CACNA2D3: variants seen among roughly 807,000 people sequenced by gnomAD.
The protein encoded by CACNA2D3 is voltage-dependent calcium channel subunit alpha-2/delta-3.
In CACNA2D3, 60 loss-of-function variants were observed where a neutral mutation model predicts 160.6. The ratio of observed to expected loss-of-function variants is 0.37; its 90% CI spans 0.30 to 0.46. CACNA2D3 has a LOEUF of 0.46. CACNA2D3 is among the 20% of genes least tolerant of loss of function. The pLI is 1.00. For missense variants in CACNA2D3, 1,205 were observed against 1,365.0 expected, an observed-to-expected ratio of 0.88 and a Z score of 1.85; for synonymous variants, 558 against 492.9, an observed-to-expected ratio of 1.13 and a Z score of -1.75.
chr3:55,037,875 C>A (rs1395530445), intron 35 of CACNA2D3, among the ~76,000 whole-genome samples: 1 of 152,036 alleles, frequency 6.6e-6, no homozygotes, highest in Non-Finnish European at 1.5e-5. Context: ...TAAATGTATT[C>A]ATTTATGCAG....
intron 12 of CACNA2D3, among the ~76,000 whole-genome samples, chr3:54,758,295 G>A (rs944349122): frequency 3.3e-5 from 5 of 152,054 alleles, no homozygotes; most frequent in Non-Finnish European, 7.4e-5. Context: ...TTTTAACATG[G>A]AGTTAGAAAT....
intron 14 of CACNA2D3, among the ~76,000 whole-genome samples, chr3:54,833,660 A>G (rs1703927390): frequency 1.3e-5 from 2 of 152,146 alleles, no homozygotes; most frequent in Admixed American, 1.3e-4. Flanking sequence ...TTTCAATCAT[A>G]AAGTGCTTAC....
rs138019189 is a variant in CACNA2D3, at chr3:54,819,990, G to A, written c.1398+3120G>A. The stretch of plus-strand genomic sequence containing the variant: ...TTGTTTTGAGAGGTTTCTTCCTAAT[G>A]CCTTTGACATTACCCATAGATTTCA... On this transcript the variant is annotated intron_variant, in intron 14 of 37. Transcript: ENST00000474759. Among the ~76,000 whole-genome samples the A allele has an allele frequency of 6.6e-5, 10 of 152,250 alleles. No individual in the cohort carries two copies. The East Asian group carries it at 1.5e-3, about 24-fold the overall frequency.
At chr3:54,148,727 A>G (rs753311025) in intron 2 of CACNA2D3, among the ~76,000 whole-genome samples, 7 of 152,190 alleles carry the variant, frequency 4.6e-5, no homozygotes, top group Non-Finnish European at 8.8e-5. Flanking sequence ...CTGTATTCCC[A>G]GCATTCTGGG....
chr3:54,260,623 C>T (rs1027492413), intron 2 of CACNA2D3, among the ~76,000 whole-genome samples: 6 of 152,294 alleles, frequency 3.9e-5, no homozygotes, highest in Admixed American at 2.6e-4. Context: ...ACATGAGCTT[C>T]GGGGGACACA....
intron 17 of CACNA2D3, among the ~76,000 whole-genome samples, chr3:54,871,249 T>A (rs958834211): frequency 6.6e-6 from 1 of 151,372 alleles, no homozygotes; most frequent in Admixed American, 6.6e-5. Context: ...GGGGACAGAT[T>A]TTCCTTTGCA....
chr3:54,471,007 A>G (rs923788842), intron 4 of CACNA2D3, among the ~76,000 whole-genome samples: 12 of 152,206 alleles, frequency 7.9e-5, no homozygotes, highest in Admixed American at 7.9e-4. Flanking sequence ...TCAATGAGAC[A>G]GAAAATTAAC....
At chr3:54,543,788 A>G (rs753231290) in intron 5 of CACNA2D3, among the ~76,000 whole-genome samples, 1 of 152,230 alleles carries the variant, frequency 6.6e-6, no homozygotes, top group Non-Finnish European at 1.5e-5. Flanking sequence ...GGCACAATTA[A>G]ATAGATTTTA....
chr3:54,523,370 AC>A (rs1701677099), intron 5 of CACNA2D3, among the ~76,000 whole-genome samples: 1 of 152,114 alleles, frequency 6.6e-6, no homozygotes, highest in South Asian at 2.1e-4. Context: ...TGTTAAAACA[AC>A]CTTGCATTCT....
intron 27 of CACNA2D3, among the ~76,000 whole-genome samples, chr3:54,949,193 A>T (rs1701693317): frequency 6.6e-6 from 1 of 152,198 alleles, no homozygotes. Context: ...AGTTTTGGTC[A>T]GTGCCTATCA....
chr3:54,359,468 G>C (rs561443018), intron 3 of CACNA2D3, among the ~76,000 whole-genome samples: 1 of 152,138 alleles, frequency 6.6e-6, no homozygotes, highest in Non-Finnish European at 1.5e-5. Context: ...GCTGGCAGGC[G>C]TCCTAGGCTC....
chr3:54,287,378 A>G (rs1229401723), intron 2 of CACNA2D3, among the ~76,000 whole-genome samples: 1 of 151,834 alleles, frequency 6.6e-6, no homozygotes, highest in East Asian at 1.9e-4. Context: ...AGAGCTAACT[A>G]TCCTAAATAT....
At chr3:54,522,238 A>C (rs1701657444) in intron 5 of CACNA2D3, among the ~76,000 whole-genome samples, 1 of 152,048 alleles carries the variant, frequency 6.6e-6, no homozygotes, top group Non-Finnish European at 1.5e-5. Context: ...TGTAGTTTTC[A>C]AACCCTTTGT....
intron 4 of CACNA2D3, among the ~76,000 whole-genome samples, chr3:54,498,904 A>G (rs1171167658): frequency 6.6e-6 from 1 of 152,084 alleles, no homozygotes; most frequent in Non-Finnish European, 1.5e-5. Flanking sequence ...ATCTTTTATT[A>G]AAATCTAGAT....
intron 5 of CACNA2D3, among the ~76,000 whole-genome samples, chr3:54,560,358 G>A (rs1311321765): frequency 6.6e-6 from 1 of 152,196 alleles, no homozygotes. Flanking sequence ...TTTTTTAAAT[G>A]TGATTGTTGG....
At chr3:54,710,664 C>G (rs1700937003) in intron 11 of CACNA2D3, among the ~76,000 whole-genome samples, 1 of 152,128 alleles carries the variant, frequency 6.6e-6, no homozygotes, top group Admixed American at 6.5e-5. Flanking sequence ...GATTGGTGAA[C>G]AGCTTGATTT....
chr3:54,811,465 C>CTTTTTT (rs71096451), intron 13 of CACNA2D3, among the ~76,000 whole-genome samples: 31 of 111,606 alleles, frequency 2.8e-4, no homozygotes, highest in Non-Finnish European at 4.7e-4. Flanking sequence ...TCCCTCAGTT[C>CTTTTTT]TTTTTTTTTT....
At chr3:54,836,833 A>G (rs144899178) in intron 14 of CACNA2D3, among the ~76,000 whole-genome samples, 78 of 152,312 alleles carry the variant, frequency 5.1e-4, no homozygotes, top group African/African-American at 1.8e-3. Context: ...TGGGAGGCAA[A>G]ATAGTAAAAT....
At chr3:54,436,225 G>A (rs1444551735) in intron 4 of CACNA2D3, among the ~76,000 whole-genome samples, 5 of 152,190 alleles carry the variant, frequency 3.3e-5, no homozygotes, top group Non-Finnish European at 5.9e-5. Context: ...AAACCACAAT[G>A]AGATAACATC....
Sources: allele counts gnomAD v4.1 joint callset (sites outside exome capture counted in the v4.1 genomes callset), GRCh38; gene constraint gnomAD v4.1.1; transcripts MANE v1.5; gene names NCBI Gene and HGNC (gene_info 2026-07-23, HGNC 2026-07-21).